Variants in GLUD1 observed in about 807,000 individuals in gnomAD.
The protein encoded by GLUD1 is glutamate dehydrogenase 1, also known as glutamate dehydrogenase 1, mitochondrial.
A neutral mutation model predicts 56.0 loss-of-function variants in GLUD1; 22 were observed. That is an observed-to-expected ratio of 0.39 (90% CI 0.28 to 0.56). The LOEUF is 0.56. Ranked by LOEUF, GLUD1 falls within the 20% of genes least tolerant of loss-of-function variation. GLUD1 has a pLI of 0.58. For missense variants in GLUD1, 451 were observed against 732.0 expected, an observed-to-expected ratio of 0.62 and a Z score of 4.43; for synonymous variants, 223 against 269.9, an observed-to-expected ratio of 0.83 and a Z score of 1.70.
intron 2 of GLUD1, among the ~76,000 whole-genome samples, chr10:87,076,287 C>T (rs1452451611): frequency 6.6e-6 from 1 of 151,970 alleles, no homozygotes; most frequent in Non-Finnish European, 1.5e-5. Flanking sequence ...AGCTTATTTA[C>T]TCTCCTTCTA....
intron 6 of GLUD1, chr10:87,061,285 G>A: frequency 3.2e-6 from 2 of 634,040 alleles, no homozygotes; most frequent in Non-Finnish European, 5.8e-6. Flanking sequence ...ACTTTGGGAG[G>A]CTGAGGCAGG....
At position 87,094,250 on chromosome 10, in the gene GLUD1, C is replaced by G; in HGVS notation, c.445+75G>C. On this transcript the variant is annotated intron_variant, in intron 1 of 12. Transcript: ENST00000277865. This position sits in a 1 kb window ranked among gnomAD's most constrained non-coding sequence, Gnocchi z 6.6. ...GCTGGGCTGGGCTGAGCAGCGGCCC[C>G]GCACCGGCAGGAGGCCGGAGGGGAG... 1 of 1,519,910 alleles carries G rather than the reference C, an allele frequency of 6.6e-7. No homozygotes were observed. Among genetic ancestry groups the G allele is most frequent in the East Asian group, 2.5e-5 (1 of 40,644 alleles). The allele number at this position is 1,519,910 out of a possible 1,614,324, so 94.2% of individuals were successfully genotyped here.
chr10:87,088,471 T>C lies in GLUD1; in HGVS notation c.445+5854A>G, dbSNP rs1034828936. ...TAGTTCATAATAAAAGCAGTCCTTA[T>C]TTGGTAAACCTTCAATACGAGTACA... On this transcript the variant is annotated intron_variant, in intron 1 of 12. Coordinates refer to ENST00000277865, the MANE Select transcript of GLUD1 (RefSeq NM_005271.5). 6.6e-5 allele frequency among the ~76,000 whole-genome samples: 10 copies of C among 152,306 alleles called. No homozygotes were observed. The South Asian group carries it at 1.2e-3, about 19-fold the overall frequency.
At chr10:87,058,953 G>C (rs112461452) in intron 10 of GLUD1, among the ~76,000 whole-genome samples, 197 bp downstream of exon 10, 7,924 of 152,202 alleles carry the variant, frequency 0.052, 369 homozygotes, top group African/African-American at 0.13. Flanking sequence ...ATAAAACTCT[G>C]GATATAATAT....
intron 12 of GLUD1, 86 bp downstream of exon 12, chr10:87,053,256 G>T: frequency 2.3e-6 from 2 of 856,748 alleles, no homozygotes; most frequent in Non-Finnish European, 4.0e-6. Context: ...TTTTCTATCA[G>T]CACATACAGT....
At chr10:87,076,499 A>G (rs1390982137) in intron 2 of GLUD1, 77 bp downstream of exon 2, 1 of 893,322 alleles carries the variant, frequency 1.1e-6, no homozygotes, top group African/African-American at 1.6e-5. Context: ...ATATTTCTAC[A>G]GCATCTTAAC....
intron 10 of GLUD1, among the ~76,000 whole-genome samples, chr10:87,058,719 CG>C (rs1203407980): frequency 1.3e-5 from 2 of 152,050 alleles, no homozygotes; most frequent in Non-Finnish European, 2.9e-5. Flanking sequence ...GGTGAAACCC[CG>C]TCTCTATTAA....
At chr10:87,069,282 T>C (rs559496279) in intron 4 of GLUD1, among the ~76,000 whole-genome samples, 81 of 152,106 alleles carry the variant, frequency 5.3e-4, no homozygotes, top group African/African-American at 1.7e-3. Flanking sequence ...CTTGGGAGGC[T>C]GAGGAGGGCG....
At chr10:87,052,669 CAAAA>C (rs751155208) in intron 12 of GLUD1, among the ~76,000 whole-genome samples, 478 of 41,662 alleles carry the variant, frequency 0.011, 2 homozygotes, top group African/African-American at 0.032. Context: ...AACTCCGTCT[CAAAA>C]AAAAAAAAAA....
rs1845628793 is a variant in GLUD1 at position 87,051,401 on chromosome 10, A to C, written c.*350T>G. The C allele has an allele frequency of 2.6e-6, 1 of 379,860 alleles. No homozygotes were observed. The highest frequency in any genetic ancestry group is 5.3e-6 in the Non-Finnish European group (1 of 189,998). The allele number at this position is 379,860 out of a possible 1,614,324, so 23.5% of individuals were successfully genotyped here. A position where few individuals can be genotyped will look rare whatever the true frequency, so the allele number is the denominator to read the frequency against. ...CAGACTCATCCAGAAAAAATAAGCA[A>C]GCAACTGACTGCTCTTGACTGTTCC... On this transcript the variant is annotated 3_prime_UTR_variant, in exon 13 of 13. Coordinates refer to ENST00000277865, the MANE Select transcript of GLUD1 (RefSeq NM_005271.5).
At chr10:87,076,399 A>C (rs911012308) in intron 2 of GLUD1, among the ~76,000 whole-genome samples, 177 bp downstream of exon 2, 1 of 152,220 alleles carries the variant, frequency 6.6e-6, no homozygotes, top group African/African-American at 2.4e-5. Context: ...CCCATGTAAA[A>C]AAAAAAGGCT....
intron 1 of GLUD1, among the ~76,000 whole-genome samples, chr10:87,077,642 G>T (rs995816446): frequency 1.3e-5 from 2 of 151,170 alleles, no homozygotes; most frequent in African/African-American, 2.4e-5. Context: ...TTGGCTTTGG[G>T]GGTCTTGGTC....
At chr10:87,090,410 T>C (rs1163359664) in intron 1 of GLUD1, among the ~76,000 whole-genome samples, 2 of 152,208 alleles carry the variant, frequency 1.3e-5, no homozygotes, top group South Asian at 2.1e-4. Context: ...TGAGCAGCTG[T>C]TTGTCTTCCT....
chr10:87,073,255 C>T (rs976011869), intron 4 of GLUD1, among the ~76,000 whole-genome samples: 1 of 152,290 alleles, frequency 6.6e-6, no homozygotes, highest in African/African-American at 2.4e-5. Context: ...CTCAACCCCC[C>T]AGGCTTAAGG....
chr10:87,093,536 A>G (rs890269614), intron 1 of GLUD1, among the ~76,000 whole-genome samples: 16 of 152,152 alleles, frequency 1.1e-4, no homozygotes, highest in African/African-American at 3.9e-4. Context: ...TTCACGTACT[A>G]TATTTTTCCT....
rs377429878 is a variant in GLUD1, at chr10:87,069,237, C to T, written c.647-1080G>A. Among the ~76,000 whole-genome samples the T allele has an allele frequency of 4.6e-5, 7 of 152,158 alleles. No homozygotes were observed. The East Asian group carries it at 9.6e-4, about 21-fold the overall frequency. Reference sequence around the variant, plus strand: ...CTTAAAAAATGGTTAAACTATTAGGCTGAGCACAGTGGCGCATGCCTGTAA... The same window carrying T: ...CTTAAAAAATGGTTAAACTATTAGGTTGAGCACAGTGGCGCATGCCTGTAA... On this transcript the variant is annotated intron_variant, in intron 4 of 12. Transcript: ENST00000277865.
chr10:87,055,171 CGGGATTTAATCA>C (rs59153813), intron 11 of GLUD1, among the ~76,000 whole-genome samples: 45,245 of 151,738 alleles, frequency 0.3, 7,008 homozygotes, highest in Middle Eastern at 0.36. Context: ...GGTAGAGGCA[CGGGATTTAATCA>C]GGGATTTAAT....
intron 5 of GLUD1, among the ~76,000 whole-genome samples, chr10:87,063,883 T>C (rs1846001035): frequency 6.6e-6 from 1 of 151,414 alleles, no homozygotes; most frequent in Non-Finnish European, 1.5e-5. Context: ...TCTTTCTTTG[T>C]CTTTTTTTTT....
At chr10:87,065,466 T>C (rs902413011) in intron 5 of GLUD1, among the ~76,000 whole-genome samples, 11 of 152,054 alleles carry the variant, frequency 7.2e-5, no homozygotes, top group Non-Finnish European at 8.8e-5. Context: ...ATGGGCAGTA[T>C]GTTATTTGTA....
Sources: allele counts gnomAD v4.1 joint callset (sites outside exome capture counted in the v4.1 genomes callset), GRCh38; gene constraint gnomAD v4.1.1; non-coding constraint Gnocchi (gnomAD v3.1); transcripts MANE v1.5; gene names NCBI Gene and HGNC (gene_info 2026-07-23, HGNC 2026-07-21).